The following OSBPL8 variants were observed in gnomAD, a reference collection of about 807,000 sequenced individuals.
OSBPL8 encodes the protein oxysterol-binding protein-related protein 8.
In OSBPL8, 59 loss-of-function variants were observed where a neutral mutation model predicts 125.5. The observed-to-expected ratio is 0.47, with a 90% confidence interval of 0.38 to 0.58. OSBPL8 has a LOEUF of 0.58. Among genes scored for constraint, OSBPL8 ranks in the 20% least tolerant of loss-of-function variants. OSBPL8 has a pLI of 0.00. For synonymous variants in OSBPL8, 330 were observed against 338.9 expected (o/e 0.97, Z 0.29); for missense variants, 758 against 1,047.8 (o/e 0.72, Z 3.82).
At chr12:76,535,317 CA>C (rs200827191) in intron 1 of OSBPL8, among the ~76,000 whole-genome samples, 8 of 149,590 alleles carry the variant, frequency 5.3e-5, no homozygotes, top group South Asian at 2.1e-4. Context: ...AAACAATTTA[CA>C]AAAAAAAATA....
At chr12:76,444,551 C>T (rs1042781955) in intron 4 of OSBPL8, among the ~76,000 whole-genome samples, 2 of 152,200 alleles carry the variant, frequency 1.3e-5, no homozygotes, top group African/African-American at 4.8e-5. Flanking sequence ...GTGAAGAAAG[C>T]TATCTAGCTG....
At chr12:76,364,759 T>C (rs1477414692) in intron 21 of OSBPL8, among the ~76,000 whole-genome samples, 4 of 152,202 alleles carry the variant, frequency 2.6e-5, no homozygotes, top group Admixed American at 2.6e-4. Flanking sequence ...CCACGTTCCT[T>C]TGATTACTAT....
intron 21 of OSBPL8, among the ~76,000 whole-genome samples, chr12:76,359,180 G>GTAGAATGTTAAATAA (rs1232565769): frequency 1.3e-5 from 2 of 152,102 alleles, no homozygotes; most frequent in Non-Finnish European, 2.9e-5. Flanking sequence ...TTATTCTCTA[G>GTAGAATGTTAAATAA]TAGAATGTTA....
At chr12:76,458,634 T>C (rs746539462) in intron 3 of OSBPL8, among the ~76,000 whole-genome samples, 1 of 152,002 alleles carries the variant, frequency 6.6e-6, no homozygotes, top group Non-Finnish European at 1.5e-5. Context: ...GCATGAGTTA[T>C]GGTCGTGCTA....
intron 16 of OSBPL8, among the ~76,000 whole-genome samples, chr12:76,375,580 T>C (rs1017393316): frequency 6.6e-6 from 1 of 152,110 alleles, no homozygotes; most frequent in Non-Finnish European, 1.5e-5. Flanking sequence ...AGATTCCCTA[T>C]CTGTAAATTC....
At chr12:76,410,517 A>G in intron 5 of OSBPL8, 47 bp downstream of exon 5, 1 of 1,401,834 alleles carries the variant, frequency 7.1e-7, no homozygotes, top group Non-Finnish European at 1.0e-6. Flanking sequence ...CCTCATCTCA[A>G]ATATTAAGAA....
At chr12:76,395,798 C>T (rs1953767692) in intron 8 of OSBPL8, among the ~76,000 whole-genome samples, 2 of 152,072 alleles carry the variant, frequency 1.3e-5, no homozygotes, top group Non-Finnish European at 2.9e-5. Context: ...GTTACTATTT[C>T]TTAATCACAA....
In OSBPL8 at chr12:76,386,270, G is replaced by GT; in HGVS notation, c.1435-5dup. ...GATTATAAGGTTTCTTCAGTCCCTG[G>GT]TAAAAAAAAAAAAAAGCAATTTCAA... On this transcript the variant is annotated splice_region_variant and splice_polypyrimidine_tract_variant and intron_variant, in intron 13 of 23. Coordinates refer to ENST00000261183, the MANE Select transcript of OSBPL8 (RefSeq NM_020841.5). 19 of 1,443,206 alleles carry GT rather than the reference G, an allele frequency of 1.3e-5. No homozygotes were observed. Among genetic ancestry groups the GT allele is most frequent in the Admixed American group, 2.7e-5 (1 of 36,774 alleles). The allele number at this position is 1,443,206 out of a possible 1,614,324, so 89.4% of individuals were successfully genotyped here.
chr12:76,366,405 T>G (rs1268164920), intron 21 of OSBPL8, among the ~76,000 whole-genome samples: 5 of 152,214 alleles, frequency 3.3e-5, no homozygotes, highest in African/African-American at 1.2e-4. Context: ...CTTTAATTTC[T>G]GATTTTAGTC....
chr12:76,393,814 G>A (rs1355407574), intron 9 of OSBPL8, among the ~76,000 whole-genome samples: 2 of 150,600 alleles, frequency 1.3e-5, no homozygotes, highest in African/African-American at 4.9e-5. Flanking sequence ...ATGAGGGCAA[G>A]AGTGTGAGAC....
chr12:76,527,742 G>T (rs942506579), intron 1 of OSBPL8, among the ~76,000 whole-genome samples: 1 of 152,148 alleles, frequency 6.6e-6, no homozygotes, highest in African/African-American at 2.4e-5. Context: ...TTGCAATACA[G>T]AAGAGTCCTG....
intron 15 of OSBPL8, among the ~76,000 whole-genome samples, chr12:76,382,882 T>C (rs1360702218): frequency 1.3e-5 from 2 of 152,334 alleles, no homozygotes; most frequent in Admixed American, 1.3e-4. Context: ...TTATATAGAA[T>C]AGAAAATTTT....
At chr12:76,449,001 G>A (rs61925486) in intron 4 of OSBPL8, among the ~76,000 whole-genome samples, 31,014 of 152,046 alleles carry the variant, frequency 0.2, 3,407 homozygotes, top group Non-Finnish European at 0.26. Flanking sequence ...GACAGAGCAA[G>A]ACTCTGTCTC....
At chr12:76,524,975 C>T (rs899100716) in intron 1 of OSBPL8, among the ~76,000 whole-genome samples, 3 of 152,100 alleles carry the variant, frequency 2.0e-5, no homozygotes, top group Admixed American at 1.3e-4. Context: ...TGAGCCACTG[C>T]GCCCAGCCAT....
chr12:76,460,491 T>C (rs1399166300), intron 2 of OSBPL8, among the ~76,000 whole-genome samples: 1 of 146,752 alleles, frequency 6.8e-6, no homozygotes, highest in African/African-American at 2.6e-5. Context: ...TCTTTCTCAA[T>C]TGGCAAAAAA....
intron 1 of OSBPL8, among the ~76,000 whole-genome samples, chr12:76,488,498 C>T (rs1414608808): frequency 6.6e-6 from 1 of 152,148 alleles, no homozygotes; most frequent in African/African-American, 2.4e-5. Context: ...CGGTACTTTT[C>T]CAACAGCATG....
intron 1 of OSBPL8, among the ~76,000 whole-genome samples, chr12:76,513,722 A>T (rs541543440): frequency 4.4e-4 from 64 of 145,460 alleles, no homozygotes; most frequent in South Asian, 2.6e-3. Flanking sequence ...GTTTTGTCTG[A>T]AATTAGGATT....
At chr12:76,409,299 C>T (rs918522604) in intron 5 of OSBPL8, among the ~76,000 whole-genome samples, 1 of 152,278 alleles carries the variant, frequency 6.6e-6, no homozygotes, top group Non-Finnish European at 1.5e-5. Context: ...AATCCAAACA[C>T]ACAGAGATAC....
At chr12:76,400,082 T>TATA in intron 6 of OSBPL8, 108 bp from the exon 7 acceptor site, 2 of 764,582 alleles carry the variant, frequency 2.6e-6, no homozygotes, top group Non-Finnish European at 4.1e-6. Context: ...ACCTGTGTCA[T>TATA]GGGGTTTTGT....
Sources: gnomAD v4.1 joint callset for allele counts (sites outside exome capture counted in the v4.1 genomes callset) on GRCh38, gnomAD v4.1.1 for gene constraint, MANE v1.5 for transcripts, NCBI Gene and HGNC (gene_info 2026-07-23, HGNC 2026-07-21) for gene names.